The following PRKAG2 variants were observed in gnomAD, a reference collection of about 807,000 sequenced individuals.
PRKAG2 encodes the protein protein kinase AMP-activated non-catalytic subunit gamma 2, also known as 5'-AMP-activated protein kinase subunit gamma-2.
In PRKAG2, 26 loss-of-function variants were observed where a neutral mutation model predicts 69.6. The ratio of observed to expected loss-of-function variants is 0.37; its 90% CI spans 0.27 to 0.52. The LOEUF (loss-of-function observed/expected upper bound fraction) is 0.52, where lower values mean the gene tolerates loss of function less well. PRKAG2 is among the 20% of genes least tolerant of loss of function. PRKAG2 has a pLI of 0.90. For synonymous variants in PRKAG2, 293 were observed against 285.0 expected, an observed-to-expected ratio of 1.03 and a Z score of -0.28; for missense variants, 557 against 740.0, an observed-to-expected ratio of 0.75 and a Z score of 2.87.
rs1171934577 is a variant in PRKAG2, at chr7:151,638,644, C to G, written c.685-6506G>C. Among the ~76,000 whole-genome samples, 7 of 151,788 alleles carry G rather than the reference C, an allele frequency of 4.6e-5. No homozygotes were observed. Among genetic ancestry groups the G allele is most frequent in the African/African-American group, 1.5e-4 (6 of 41,236 alleles). The stretch of plus-strand genomic sequence containing the variant: ...TGAGACTCTGTCTCAAAAAAAAAAG[C>G]TAAATTATTAAGTTGTGTCTTACAT... On this transcript the variant is annotated intron_variant, in intron 4 of 15. Coordinates refer to ENST00000287878, the MANE Select transcript of PRKAG2 (RefSeq NM_016203.4). The surrounding 1 kb of genome is among the most constrained non-coding windows in gnomAD (Gnocchi z 4.3).
At chr7:151,561,382 AGAT>A (rs1804909791) in intron 14 of PRKAG2, among the ~76,000 whole-genome samples, 1 of 152,240 alleles carries the variant, frequency 6.6e-6, no homozygotes, top group Admixed American at 6.5e-5. Flanking sequence ...AGAGAAGTCC[AGAT>A]GATGACAGAA....
At chr7:151,725,462 G>T (rs908125040) in intron 3 of PRKAG2, among the ~76,000 whole-genome samples, 3 of 151,820 alleles carry the variant, frequency 2.0e-5, no homozygotes, top group Non-Finnish European at 4.4e-5. Context: ...TGGATGGCTG[G>T]CTGCACAGCC....
chr7:151,838,826 C>T (rs1394815291), intron 1 of PRKAG2, among the ~76,000 whole-genome samples: 1 of 151,602 alleles, frequency 6.6e-6, no homozygotes, highest in Non-Finnish European at 1.5e-5. Flanking sequence ...ACAAGCCTGG[C>T]CAACATGGTG....
At chr7:151,576,113 C>A in intron 7 of PRKAG2, 1 of 475,888 alleles carries the variant, frequency 2.1e-6, no homozygotes, top group Non-Finnish European at 3.8e-6. Context: ...CTAATTTTTG[C>A]ATGTTTTTGT....
chr7:151,648,788 A>G (rs1827971193), intron 4 of PRKAG2, among the ~76,000 whole-genome samples: 1 of 152,130 alleles, frequency 6.6e-6, no homozygotes, highest in Non-Finnish European at 1.5e-5. Flanking sequence ...TGGGAGGGTG[A>G]GGCAGGAGGA....
intron 3 of PRKAG2, among the ~76,000 whole-genome samples, chr7:151,739,942 C>A (rs1467051417): frequency 6.6e-6 from 1 of 152,184 alleles, no homozygotes; most frequent in East Asian, 1.9e-4. Context: ...GGACTTTTCT[C>A]TCCTTTGAAA....
chr7:151,689,704 A>G (rs1162712948), intron 3 of PRKAG2, among the ~76,000 whole-genome samples: 1 of 152,156 alleles, frequency 6.6e-6, no homozygotes, highest in Non-Finnish European at 1.5e-5. Context: ...GCCGGCTGCC[A>G]TGGGACTCCA....
intron 3 of PRKAG2, among the ~76,000 whole-genome samples, chr7:151,679,838 A>G (rs1364842669): frequency 6.6e-6 from 1 of 151,892 alleles, no homozygotes; most frequent in Non-Finnish European, 1.5e-5. Context: ...GCTGAGGGAG[A>G]AGGATCACTT....
rs368521565 is a variant in PRKAG2 at position 151,777,618 on chromosome 7, C to T, written c.466+3534G>A. ...AAGCAGCCTGAAGCCCTTGCAAACA[C>T]CTTGGCAGAGATCACGACAGCAGGA... On this transcript the variant is annotated intron_variant, in intron 3 of 15. Transcript: ENST00000287878. This position sits in a 1 kb window ranked among gnomAD's most constrained non-coding sequence, Gnocchi z 4.3. Among the ~76,000 whole-genome samples, 86 of 152,322 alleles carry T rather than the reference C, an allele frequency of 5.6e-4. No individual in the cohort carries two copies. Among genetic ancestry groups the T allele is most frequent in the Middle Eastern group, 3.4e-3 (1 of 294 alleles).
chr7:151,699,148 T>TC lies in PRKAG2; in HGVS notation c.467-23512dup, dbSNP rs1837236252. Among the ~76,000 whole-genome samples the TC allele has an allele frequency of 1.3e-5, 2 of 152,126 alleles. No homozygotes were observed. Among genetic ancestry groups the TC allele is most frequent in the African/African-American group, 4.8e-5 (2 of 41,420 alleles). On this transcript the variant is annotated intron_variant, in intron 3 of 15. Transcript: ENST00000287878. The surrounding 1 kb of genome is among the most constrained non-coding windows in gnomAD (Gnocchi z 4.5). ...GCCACCTTTCCTTCTCTGACCTCTG[T>TC]CCCCATCCCTGCCCCAAGTTGTGTC... is the stretch of plus-strand genomic sequence containing the variant.
At position 151,700,899 on chromosome 7, in the gene PRKAG2, C is replaced by T. The variant is rs141248726; in HGVS notation, c.467-25262G>A. On this transcript the variant is annotated intron_variant, in intron 3 of 15. Coordinates refer to ENST00000287878, the MANE Select transcript of PRKAG2 (RefSeq NM_016203.4). ...GGTCAAACATCCATGCAGAACCCATCCAGCCTGCCCGGGAAATCCGAGCAG... is the reference window on the plus strand; with the variant it reads ...GGTCAAACATCCATGCAGAACCCATTCAGCCTGCCCGGGAAATCCGAGCAG... Among the ~76,000 whole-genome samples the T allele has an allele frequency of 3.3e-3, 505 of 152,382 alleles. 2 individuals are homozygous for T. The highest frequency in any genetic ancestry group is 0.01 in the Middle Eastern group (3 of 294).
chr7:151,703,845 AACACACACAC>A (rs535818189), intron 3 of PRKAG2, among the ~76,000 whole-genome samples: 6,201 of 88,428 alleles, frequency 0.07, 222 homozygotes, highest in Middle Eastern at 0.088. Flanking sequence ...TTTACTGGAA[AACACACACAC>A]ACACACACAC....
At chr7:151,589,032 C>T (rs748542536) in intron 6 of PRKAG2, among the ~76,000 whole-genome samples, 17 of 152,212 alleles carry the variant, frequency 1.1e-4, no homozygotes, top group Non-Finnish European at 2.2e-4. Context: ...GACCCTGTTT[C>T]GGTGTTGCCA....
At chr7:151,597,756 G>T (rs996375544) in intron 5 of PRKAG2, among the ~76,000 whole-genome samples, 1 of 150,390 alleles carries the variant, frequency 6.6e-6, no homozygotes, top group African/African-American at 2.5e-5. Flanking sequence ...AGTTAGAATG[G>T]CTATTATAAA....
chr7:151,870,111 T>TGATAGATAGATA (rs57003272), intron 1 of PRKAG2, among the ~76,000 whole-genome samples: 2,659 of 120,214 alleles, frequency 0.022, 72 homozygotes, highest in African/African-American at 0.028. Flanking sequence ...AAGGTGCAGA[T>TGATAGATAGATA]GATAGATAGA....
At chr7:151,795,872 T>G (rs1311267857) in intron 1 of PRKAG2, among the ~76,000 whole-genome samples, 1 of 114,628 alleles carries the variant, frequency 8.7e-6, no homozygotes, top group Admixed American at 1.0e-4. Flanking sequence ...TATATATATA[T>G]ATATATATAT....
At chr7:151,786,128 C>T (rs6959849) in intron 2 of PRKAG2, among the ~76,000 whole-genome samples, 7,631 of 152,224 alleles carry the variant, frequency 0.05, 285 homozygotes, top group African/African-American at 0.087. Flanking sequence ...CACAGATGGT[C>T]GGCAGTGACC....
intron 1 of PRKAG2, among the ~76,000 whole-genome samples, chr7:151,808,926 C>T (rs967723849): frequency 2.6e-5 from 4 of 152,188 alleles, no homozygotes; most frequent in Admixed American, 6.5e-5. Flanking sequence ...GCTCCTCACG[C>T]CCAAGCCCAG....
At chr7:151,819,440 G>A (rs115101269) in intron 1 of PRKAG2, among the ~76,000 whole-genome samples, 4,426 of 152,258 alleles carry the variant, frequency 0.029, 216 homozygotes, top group African/African-American at 0.098. Context: ...ACCTCCAGTC[G>A]CTAGAGACTG....
Sources: allele counts gnomAD v4.1 joint callset (sites outside exome capture counted in the v4.1 genomes callset), GRCh38; gene constraint gnomAD v4.1.1; non-coding constraint Gnocchi (gnomAD v3.1); transcripts MANE v1.5; gene names NCBI Gene and HGNC (gene_info 2026-07-23, HGNC 2026-07-21).